The following NIT1 variants were observed in gnomAD, a reference collection of about 807,000 sequenced individuals.
NIT1 encodes the protein deaminated glutathione amidase.
NIT1 carries 30 observed loss-of-function variants against 36.8 expected under a neutral mutation model. The ratio of observed to expected loss-of-function variants is 0.82; its 90% CI spans 0.61 to 1.11. The LOEUF is 1.11. NIT1 is among the 50% of genes least tolerant of loss of function. The pLI is 0.00. For missense variants in NIT1, 438 were observed against 410.6 expected (o/e 1.07, Z -0.58); for synonymous variants, 151 against 155.6 (o/e 0.97, Z 0.22).
Position 161,118,877 on chromosome 1 carries a change from C to A in NIT1, c.94C>A (p.Pro32Thr). The A allele has an allele frequency of 1.2e-6, 2 of 1,611,502 alleles. No homozygotes were observed. The highest frequency in any genetic ancestry group is 2.2e-5 in the South Asian group (2 of 91,052). The change falls in exon 2 of 7, where the codon CCC becomes ACC. Residue 32 changes from proline to threonine, a missense_variant. Coordinates refer to ENST00000368009, the MANE Select transcript of NIT1 (RefSeq NM_005600.3). ...IPQLSVLCAQPRPRAMAISSS... is the reference protein window; with the variant it reads ...IPQLSVLCAQTRPRAMAISSS... ...TCAACTCTCAGTACTTTGTGCTCAG[C>A]CCAGGTAACACGTTTTGTTGTGTCC...
At chr1:161,118,356 C>T (rs1476782660) in intron 1 of NIT1, 178 bp downstream of exon 1, 11 of 1,519,770 alleles carry the variant, frequency 7.2e-6, no homozygotes, top group Admixed American at 2.0e-5. Context: ...CCCTTGCCCA[C>T]CAGGGAGGGG....
chr1:161,118,990 C>T, intron 2 of NIT1, 109 bp downstream of exon 2: 2 of 1,318,632 alleles, frequency 1.5e-6, no homozygotes, highest in South Asian at 1.2e-5. Flanking sequence ...GATTGGTGAG[C>T]CCTACTAGCC....
At chr1:161,124,637 A>G (rs1014537905), downstream of NIT1, 49 of 1,303,956 alleles carry the variant, frequency 3.8e-5, no homozygotes, top group Admixed American at 3.1e-4. Flanking sequence ...TGCTTTATAC[A>G]TGTTTATTAA....
intron 6 of NIT1, 103 bp from the exon 7 acceptor site, chr1:161,120,396 A>G (rs568499472): frequency 1.4e-6 from 2 of 1,466,980 alleles, no homozygotes; most frequent in African/African-American, 2.8e-5. Flanking sequence ...CTAGGCAATT[A>G]CCAAAATAGT....
At position 161,120,831 on chromosome 1, in the gene NIT1, C is replaced by CATGTGACT. The variant is rs1258414818; in HGVS notation, c.*67_*74dup. On this transcript the variant is annotated 3_prime_UTR_variant, in exon 7 of 7. Transcript: ENST00000368009. ...CACCCTGCCACTATGAGCTAGTGCT[C>CATGTGACT]ATGTGACTTGGAGGCAGGATCCAGG... The CATGTGACT allele has an allele frequency of 2.2e-5, 34 of 1,551,910 alleles. No individual in the cohort carries two copies. Among genetic ancestry groups the CATGTGACT allele is most frequent in the Non-Finnish European group, 3.0e-5 (34 of 1,149,560 alleles).
At chr1:161,118,513 G>A in intron 1 of NIT1, 2 of 1,536,192 alleles carry the variant, frequency 1.3e-6, no homozygotes, top group East Asian at 4.9e-5. Flanking sequence ...CTTTTGGACT[G>A]CGGAAACGTT....
In NIT1 at chr1:161,118,453, A is replaced by G. The variant is rs532639132; in HGVS notation, c.2+275A>G. The G allele has an allele frequency of 5.9e-6, 9 of 1,536,106 alleles. No individual in the cohort carries two copies. In the African/African-American group the frequency reaches 1.2e-4, roughly 21 times the overall value. On this transcript the variant is annotated intron_variant, in intron 1 of 6. Coordinates refer to ENST00000368009, the MANE Select transcript of NIT1 (RefSeq NM_005600.3). The stretch of plus-strand genomic sequence containing the variant: ...CGAGTCAGTAAAGCTGCGCAAGTGC[A>G]CAGTCAAGGAGAGAGTCTTGGGAAA...
chr1:161,122,134 A>C (rs1296062813), downstream of NIT1: 2 of 1,611,274 alleles, frequency 1.2e-6, no homozygotes, highest in Admixed American at 1.7e-5. This position sits in a 1 kb window ranked among gnomAD's most constrained non-coding sequence, Gnocchi z 4.2. Flanking sequence ...CCAAAGTGAG[A>C]AGAGGGAATA....
chr1:161,120,287 C>G (rs76729621), intron 6 of NIT1, 55 bp downstream of exon 6: 88,393 of 1,598,048 alleles, frequency 0.055, 2,826 homozygotes, highest in Non-Finnish European at 0.061. Flanking sequence ...CATCTTCCCC[C>G]CTTGGCCCTA....
chr1:161,119,318 C>T lies in NIT1; in HGVS notation c.283C>T (p.Pro95Ser), dbSNP rs1209607858. 3.1e-6 allele frequency: 5 copies of T among 1,614,184 alleles called. No individual in the cohort carries two copies. Among genetic ancestry groups the T allele is most frequent in the Non-Finnish European group, 3.4e-6 (4 of 1,180,042 alleles). The change falls in exon 3 of 7, where the codon CCT (proline) becomes TCT (serine). Residue 95 changes from proline (P) to serine (S), a missense_variant. Pro to Ser is a moderately conservative substitution (Grantham distance 74). Transcript: ENST00000368009. ...GGCATTTGACTTCATTGCACGGGACCCTGCAGAGACGCTACACCTGTCTGA... is the reference window on the plus strand; with the variant it reads ...GGCATTTGACTTCATTGCACGGGACTCTGCAGAGACGCTACACCTGTCTGA... Reference protein sequence around the residue: ...PEAFDFIARDPAETLHLSEPL... With the variant: ...PEAFDFIARDSAETLHLSEPL...
chr1:161,120,069 A>AGCAGGAAGACTACTAACT (rs778062719), intron 5 of NIT1, 38 bp from the exon 6 acceptor site: 29 of 1,613,632 alleles, frequency 1.8e-5, no homozygotes, highest in Admixed American at 8.3e-5. Context: ...TGACAAACAG[A>AGCAGGAAGACTACTAACT]GCAGGAAGAC....
chr1:161,120,066 CA>C (rs755825433), intron 5 of NIT1, 40 bp from the exon 6 acceptor site: 2 of 1,612,650 alleles, frequency 1.2e-6, no homozygotes, highest in Non-Finnish European at 1.7e-6. Flanking sequence ...CTGTGACAAA[CA>C]GAGCAGGAAG....
At chr1:161,119,721 C>A (rs939807145) in intron 4 of NIT1, 98 bp from the exon 5 acceptor site, 4 of 1,581,294 alleles carry the variant, frequency 2.5e-6, no homozygotes, top group Non-Finnish European at 8.6e-7. Context: ...TAGGGGTGGT[C>A]CTACTTCAGT....
intron 1 of NIT1, chr1:161,118,494 C>T (rs1292491878): frequency 2.0e-6 from 3 of 1,536,132 alleles, no homozygotes; most frequent in Non-Finnish European, 2.6e-6. Flanking sequence ...GGATAGTTCC[C>T]GGAGATGACT....
downstream of NIT1, chr1:161,124,309 C>T (rs1557979904): frequency 6.2e-7 from 1 of 1,614,250 alleles, no homozygotes; most frequent in Non-Finnish European, 8.5e-7. Flanking sequence ...TCATCAATGA[C>T]ATCAACAAAG....
intron 1 of NIT1, 152 bp from the exon 2 acceptor site, chr1:161,118,634 G>A: frequency 6.5e-7 from 1 of 1,526,830 alleles, no homozygotes; most frequent in Non-Finnish European, 8.8e-7. Flanking sequence ...TTGTCCCTTA[G>A]CCTATAATTT....
rs1185797387 is a variant in NIT1 at position 161,120,142 on chromosome 1, T to C, written c.627T>C (p.Pro209=). Residue 209 remains proline, a synonymous_variant, in exon 6 of 7, where the codon CCT becomes CCC. Coordinates refer to ENST00000368009, the MANE Select transcript of NIT1 (RefSeq NM_005600.3). The part of the protein sequence containing the change: ...GLAVCYDMRF[P]ELSLALAQAG... Reference sequence around the variant, plus strand: ...CTGTCTGCTATGACATGCGGTTCCCTGAACTCTCTCTGGCATTGGCTCAAG... The same window carrying C: ...CTGTCTGCTATGACATGCGGTTCCCCGAACTCTCTCTGGCATTGGCTCAAG... 1 of 1,614,088 alleles carries C rather than the reference T, an allele frequency of 6.2e-7. No individual in the cohort carries two copies. The highest frequency in any genetic ancestry group is 1.7e-5 in the Admixed American group (1 of 60,010).
rs202195067 is a variant in NIT1, at chr1:161,118,197, C to T, written c.2+19C>T. 5.0e-6 allele frequency: 8 copies of T among 1,614,090 alleles called. No individual in the cohort carries two copies. In the African/African-American group the frequency reaches 1.1e-4, roughly 22 times the overall value. On this transcript the variant is annotated intron_variant, in intron 1 of 6. Transcript: ENST00000368009. ...TCTTCATGTAGGACCTACTCCCTAT[C>T]CCGTCGGCCGCGGTGAATCCCACCT...
downstream of NIT1, chr1:161,121,530 G>A (rs1655486327): frequency 6.5e-6 from 1 of 154,286 alleles, no homozygotes; most frequent in Non-Finnish European, 1.4e-5. Flanking sequence ...AAGAGGGTTT[G>A]ACAAATGGGA....
Sources: allele counts gnomAD v4.1 joint callset, GRCh38; gene constraint gnomAD v4.1.1; non-coding constraint Gnocchi (gnomAD v3.1); transcripts MANE v1.5; gene names NCBI Gene and HGNC (gene_info 2026-07-23, HGNC 2026-07-21).